NALF1: variants seen among roughly 807,000 people sequenced by gnomAD.
The protein encoded by NALF1 is family with sequence similarity 155 member A.
In NALF1, 3 loss-of-function variants were observed where a neutral mutation model predicts 48.4. The observed-to-expected ratio is 0.06, with a 90% CI of 0.03 to 0.16. The LOEUF (loss-of-function observed/expected upper bound fraction) is 0.16, where lower values mean the gene tolerates loss of function less well. Among genes scored for constraint, NALF1 ranks in the 10% least tolerant of loss-of-function variants. NALF1 has a pLI of 1.00. For missense variants in NALF1, 526 were observed against 571.5 expected (o/e 0.92, Z 0.81); for synonymous variants, 262 against 245.7 (o/e 1.07, Z -0.62).
chr13:107,266,157 G>A (rs1881033741), intron 1 of NALF1, among the ~76,000 whole-genome samples: 1 of 152,176 alleles, frequency 6.6e-6, no homozygotes, highest in Admixed American at 6.5e-5. Flanking sequence ...AAAAGGTGGT[G>A]AGAATCTCCT....
intron 1 of NALF1, among the ~76,000 whole-genome samples, chr13:107,254,467 T>G (rs55691301): frequency 0.11 from 17,249 of 152,138 alleles, 1,150 homozygotes; most frequent in African/African-American, 0.17. Flanking sequence ...GGAAAGTAGT[T>G]GCAAAGGGAT....
rs544134778 is a variant in NALF1, at chr13:107,209,550, C to A, written c.1087+1034G>T. ...ATCCAGTTCTTAGGGCGAGCTTTGG[C>A]AGACTATCTCTTGATAGCTTATCAC... On this transcript the variant is annotated intron_variant, in intron 2 of 2. Coordinates refer to ENST00000375915, the MANE Select transcript of NALF1 (RefSeq NM_001080396.3). 2.6e-5 allele frequency among the ~76,000 whole-genome samples: 4 copies of A among 151,958 alleles called. No homozygotes were observed. In the South Asian group the frequency reaches 8.3e-4, roughly 32 times the overall value.
chr13:107,664,846 C>A (rs1027570966), intron 1 of NALF1, among the ~76,000 whole-genome samples: 2 of 152,032 alleles, frequency 1.3e-5, no homozygotes, highest in African/African-American at 4.8e-5. Context: ...TCCCAGGGTA[C>A]CTTGAATTTG....
intron 1 of NALF1, among the ~76,000 whole-genome samples, chr13:107,853,533 A>C (rs1280774849): frequency 6.6e-6 from 1 of 152,206 alleles, no homozygotes; most frequent in Non-Finnish European, 1.5e-5. Flanking sequence ...TTTATGAAAC[A>C]ATTGGGAACA....
rs1881860097 is a variant in NALF1, at chr13:107,302,685, A to G, written c.916-91930T>C. 2.0e-5 allele frequency among the ~76,000 whole-genome samples: 3 copies of G among 152,246 alleles called. No homozygotes were observed. In the South Asian group the frequency reaches 6.2e-4, roughly 31 times the overall value. On this transcript the variant is annotated intron_variant, in intron 1 of 2. Transcript: ENST00000375915. ...AAAATTAATAAAATAAAATAAACCTAAAACCTATGTTCAAAACAATTGAAT... is the reference window on the plus strand; with the variant it reads ...AAAATTAATAAAATAAAATAAACCTGAAACCTATGTTCAAAACAATTGAAT...
intron 1 of NALF1, among the ~76,000 whole-genome samples, chr13:107,725,513 G>T (rs1397974818): frequency 6.6e-6 from 1 of 152,174 alleles, no homozygotes; most frequent in Non-Finnish European, 1.5e-5. Flanking sequence ...TTCGAGACCA[G>T]CCTGGCCAAA....
intron 2 of NALF1, among the ~76,000 whole-genome samples, chr13:107,198,645 T>C (rs552952774): frequency 6.6e-6 from 1 of 152,240 alleles, no homozygotes; most frequent in South Asian, 2.1e-4. Flanking sequence ...GCTCAGCGTA[T>C]TCCTCTGCTA....
intron 1 of NALF1, among the ~76,000 whole-genome samples, chr13:107,623,973 C>T (rs1353703796): frequency 1.3e-5 from 2 of 152,082 alleles, no homozygotes; most frequent in African/African-American, 4.8e-5. Context: ...CAAAACATAA[C>T]CTGACTGAAG....
At chr13:107,394,156 A>G (rs1883671608) in intron 1 of NALF1, among the ~76,000 whole-genome samples, 1 of 152,140 alleles carries the variant, frequency 6.6e-6, no homozygotes, top group South Asian at 2.1e-4. Context: ...ATTCTATCTA[A>G]TAAGTTACTA....
rs149070333 is a variant in NALF1, at chr13:107,572,876, C to T, written c.915+292806G>A. 6.2e-3 allele frequency among the ~76,000 whole-genome samples: 946 copies of T among 152,220 alleles called. 8 individuals carry two copies. Among genetic ancestry groups the T allele is most frequent in the African/African-American group, 0.022 (909 of 41,514 alleles). On this transcript the variant is annotated intron_variant, in intron 1 of 2. Transcript: ENST00000375915. ...TTAAAACATATGTCAAATCATGTCA[C>T]TCTCTTCTTCAAAACATGCCAGTGA...
Position 107,164,994 on chromosome 13 carries a change from G to A in NALF1, c.*5503C>T, listed in dbSNP as rs1227834203. 6.6e-6 allele frequency: 1 copy of A among 152,112 alleles called. No individual in the cohort carries two copies. Among genetic ancestry groups the A allele is most frequent in the African/African-American group, 2.4e-5 (1 of 41,424 alleles). The allele number at this position is 152,112 out of a possible 1,614,324, so 9.4% of individuals were successfully genotyped here. A position where few individuals can be genotyped will look rare whatever the true frequency, so the allele number is the denominator to read the frequency against. On this transcript the variant is annotated 3_prime_UTR_variant, in exon 3 of 3. Coordinates refer to ENST00000375915, the MANE Select transcript of NALF1 (RefSeq NM_001080396.3). The stretch of plus-strand genomic sequence containing the variant: ...TTTAAGCCTCCAATGTTGCCACGAA[G>A]TATTCTTCTTGCATGAGGTGTCACG...
chr13:107,635,282 C>A lies in NALF1; in HGVS notation c.915+230400G>T, dbSNP rs545748515. Among the ~76,000 whole-genome samples the A allele has an allele frequency of 3.3e-5, 5 of 152,108 alleles. No individual in the cohort carries two copies. The South Asian group carries it at 1.0e-3, about 32-fold the overall frequency. ...TCACAGTTCCTCATGGCTCGGGAGG[C>A]CTCAGGAAACTTACAGTCATGGCAG... is the stretch of plus-strand genomic sequence containing the variant. On this transcript the variant is annotated intron_variant, in intron 1 of 2. Coordinates refer to ENST00000375915, the MANE Select transcript of NALF1 (RefSeq NM_001080396.3).
chr13:107,795,591 A>G (rs935140521), intron 1 of NALF1, among the ~76,000 whole-genome samples: 3 of 152,202 alleles, frequency 2.0e-5, no homozygotes, highest in Admixed American at 6.5e-5. Flanking sequence ...CAGAAGGTAG[A>G]AGGCTTTGTT....
chr13:107,557,959 T>A (rs1877529378), intron 1 of NALF1, among the ~76,000 whole-genome samples: 1 of 152,168 alleles, frequency 6.6e-6, no homozygotes, highest in African/African-American at 2.4e-5. Context: ...GGTATTCTTG[T>A]GGGATGTGTC....
intron 1 of NALF1, among the ~76,000 whole-genome samples, chr13:107,777,018 G>A (rs532913776): frequency 6.6e-6 from 1 of 152,232 alleles, no homozygotes; most frequent in East Asian, 1.9e-4. Context: ...CTTGTGCCCA[G>A]GAGGTTGAAG....
In NALF1 at chr13:107,726,934, T is replaced by A. The variant is rs1005793551; in HGVS notation, c.915+138748A>T. On this transcript the variant is annotated intron_variant, in intron 1 of 2. Coordinates refer to ENST00000375915, the MANE Select transcript of NALF1 (RefSeq NM_001080396.3). ...ATTCTTGTGTGTGTGTGTGTGTGTG[T>A]GTGTGTGTGTGTGTGTGTGTGTGTG... Among the ~76,000 whole-genome samples, 4 of 149,302 alleles carry A rather than the reference T, an allele frequency of 2.7e-5. No individual in the cohort carries two copies. In the East Asian group the frequency reaches 7.9e-4, roughly 30 times the overall value.
intron 1 of NALF1, among the ~76,000 whole-genome samples, chr13:107,836,897 T>C (rs886838122): frequency 5.9e-5 from 9 of 152,182 alleles, no homozygotes; most frequent in Non-Finnish European, 5.9e-5. Flanking sequence ...TGACGAACAA[T>C]GGGAGGCAGA....
At position 107,525,053 on chromosome 13, in the gene NALF1, T is replaced by C. The variant is rs1876386581; in HGVS notation, c.916-314298A>G. Among the ~76,000 whole-genome samples the C allele has an allele frequency of 3.3e-5, 5 of 152,256 alleles. No homozygotes were observed. The South Asian group carries it at 1.0e-3, about 32-fold the overall frequency. On this transcript the variant is annotated intron_variant, in intron 1 of 2. Transcript: ENST00000375915. Reference sequence around the variant, plus strand: ...TTTCAACATGGGGTTTTGGCAAGATTAACCTGTAGAAAATCCGGCAAATCT... The same window carrying C: ...TTTCAACATGGGGTTTTGGCAAGATCAACCTGTAGAAAATCCGGCAAATCT...
intron 1 of NALF1, among the ~76,000 whole-genome samples, chr13:107,294,972 A>G (rs1424363623): frequency 6.8e-6 from 1 of 146,798 alleles, no homozygotes; most frequent in Non-Finnish European, 1.5e-5. Flanking sequence ...GTTGCTACCC[A>G]TGTACTGAAT....
Sources: gnomAD v4.1 joint callset for allele counts (sites outside exome capture counted in the v4.1 genomes callset) on GRCh38, gnomAD v4.1.1 for gene constraint, MANE v1.5 for transcripts, NCBI Gene and HGNC (gene_info 2026-07-23, HGNC 2026-07-21) for gene names.